Variants in OSBPL10 observed in about 807,000 individuals in gnomAD.
OSBPL10 encodes the protein oxysterol binding protein like 10.
Under a neutral mutation model 81.7 loss-of-function variants are expected in OSBPL10, and 49 were observed. The observed-to-expected ratio is 0.60, with a 90% CI of 0.48 to 0.76. OSBPL10 has a LOEUF of 0.76. OSBPL10 is among the 30% of genes least tolerant of loss of function. The probability of loss-of-function intolerance (pLI) is 0.00; values close to 1 mark genes in which losing one functional copy is unlikely to be tolerated. For synonymous variants in OSBPL10, 419 were observed against 383.6 expected, an observed-to-expected ratio of 1.09 and a Z score of -1.08; for missense variants, 923 against 987.8, an observed-to-expected ratio of 0.93 and a Z score of 0.88.
intron 11 of OSBPL10, chr3:31,662,871 AG>A: frequency 2.0e-6 from 2 of 985,482 alleles, no homozygotes; most frequent in Non-Finnish European, 2.4e-6. Context: ...ACCTCACAGA[AG>A]GATCTTTCAA....
At chr3:31,960,554 G>A (rs752006199) in intron 1 of OSBPL10, among the ~76,000 whole-genome samples, 1 of 152,116 alleles carries the variant, frequency 6.6e-6, no homozygotes, top group Non-Finnish European at 1.5e-5. Flanking sequence ...AGGCTAAAAT[G>A]GACACCAGAA....
intron 8 of OSBPL10, among the ~76,000 whole-genome samples, chr3:31,674,595 ATAGATAGATAGATAGATAG>A (rs1700410623): frequency 3.7e-5 from 2 of 54,006 alleles, no homozygotes; most frequent in African/African-American, 4.2e-4. Context: ...AGATAGATAG[ATAGATAGATAGATAGATAG>A]ATAGATAGAT....
intron 3 of OSBPL10, among the ~76,000 whole-genome samples, chr3:31,849,405 G>A (rs980554232): frequency 6.6e-6 from 1 of 152,068 alleles, no homozygotes; most frequent in African/African-American, 2.4e-5. Context: ...CCTTTTTAGC[G>A]AGAAAACTGA....
Position 32,061,973 on chromosome 3 carries a change from A to C in OSBPL10, n.186-15370T>G, listed in dbSNP as rs1359035134. ...TTTTTCACTTTTTAATTTTTTTTCA[A>C]ATATTTTCCAACCATGGTTGGTTGA... On this transcript the variant is annotated intron_variant and non_coding_transcript_variant, in intron 1 of 3. Coordinates refer to the OSBPL10 transcript ENST00000479173. Among the ~76,000 whole-genome samples the C allele has an allele frequency of 2.1e-5, 2 of 93,044 alleles. 1 individual carries two copies. The highest frequency in any genetic ancestry group is 5.8e-5 in the Non-Finnish European group (2 of 34,708). The allele number at this position is 93,044 out of a possible 152,430, so 61.0% of individuals were successfully genotyped here.
intron 6 of OSBPL10, chr3:31,721,586 A>G (rs1236914039): frequency 6.6e-6 from 1 of 152,204 alleles, no homozygotes; most frequent in Non-Finnish European, 1.5e-5. Flanking sequence ...CCATATTTGA[A>G]TAAGTTATTA....
intron 1 of OSBPL10, among the ~76,000 whole-genome samples, chr3:32,048,664 C>T (rs1437902297): frequency 6.6e-6 from 1 of 151,998 alleles, no homozygotes; most frequent in African/African-American, 2.4e-5. Flanking sequence ...CCCTTTAAAT[C>T]CCCCCATCCA....
chr3:31,756,182 C>G (rs998291016), intron 4 of OSBPL10, among the ~76,000 whole-genome samples: 2 of 152,206 alleles, frequency 1.3e-5, no homozygotes, highest in African/African-American at 4.8e-5. Context: ...GCATAATTCA[C>G]CATTAGTCCT....
chr3:31,942,097 A>AC (rs1454575983), intron 1 of OSBPL10, among the ~76,000 whole-genome samples: 1 of 151,750 alleles, frequency 6.6e-6, no homozygotes, highest in African/African-American at 2.4e-5. Context: ...ACACGGTGAA[A>AC]CCCCGTCTCT....
intron 2 of OSBPL10, among the ~76,000 whole-genome samples, chr3:32,042,533 G>C (rs914987577): frequency 6.6e-6 from 1 of 152,034 alleles, no homozygotes; most frequent in African/African-American, 2.4e-5. Flanking sequence ...AGATTTAGTT[G>C]TATGCTCTAT....
intron 2 of OSBPL10, among the ~76,000 whole-genome samples, chr3:32,008,760 G>GAAAAAAAAAAA (rs11328847): frequency 8.7e-6 from 1 of 114,526 alleles, no homozygotes. Flanking sequence ...ATCCTGACTG[G>GAAAAAAAAAAA]AAAAAAAAAA....
chr3:31,803,413 C>A (rs1210756671), intron 4 of OSBPL10, among the ~76,000 whole-genome samples: 1 of 152,196 alleles, frequency 6.6e-6, no homozygotes, highest in Non-Finnish European at 1.5e-5. Flanking sequence ...CCTGGCAGAA[C>A]CAGGGACGTT....
intron 6 of OSBPL10, 83 bp from the exon 7 acceptor site, chr3:31,702,591 T>A: frequency 6.4e-7 from 1 of 1,570,232 alleles, no homozygotes; most frequent in Admixed American, 1.7e-5. Flanking sequence ...TGCTTTGCAA[T>A]GACAGAAGAA....
intron 4 of OSBPL10, among the ~76,000 whole-genome samples, chr3:31,792,768 T>C (rs1481434509): frequency 1.5e-5 from 2 of 131,524 alleles, no homozygotes; most frequent in African/African-American, 3.5e-5. Context: ...TGTGTGTGTG[T>C]GTGTGTGTAA....
Position 31,840,129 on chromosome 3 carries a change from T to C in OSBPL10, c.538-9898A>G, listed in dbSNP as rs539590146. Among the ~76,000 whole-genome samples, 12 of 152,060 alleles carry C rather than the reference T, an allele frequency of 7.9e-5. No individual in the cohort carries two copies. The South Asian group carries it at 1.5e-3, about 18-fold the overall frequency. On this transcript the variant is annotated intron_variant, in intron 3 of 11. Transcript: ENST00000396556. ...GATACTTTATGCCAGTAATGAATCA[T>C]AGAACAAAAGGCGAGTGCGTGCTGA...
intron 2 of OSBPL10, among the ~76,000 whole-genome samples, chr3:32,002,390 G>A (rs1699159312): frequency 6.6e-6 from 1 of 152,178 alleles, no homozygotes; most frequent in Admixed American, 6.5e-5. Context: ...ACAGTATGGG[G>A]CAAGGGGAGG....
intron 3 of OSBPL10, among the ~76,000 whole-genome samples, chr3:31,839,981 ATGGATCATTTCAAC>A (rs1700453994): frequency 6.7e-6 from 1 of 150,060 alleles, no homozygotes. Flanking sequence ...TCTACATGGA[ATGGATCATTTCAAC>A]TGGATAATTT....
At chr3:31,795,677 C>T in intron 4 of OSBPL10, 1 of 209,016 alleles carries the variant, frequency 4.8e-6, no homozygotes, top group South Asian at 1.1e-4. Context: ...GGAGAAAGGC[C>T]TTATGAGCGC....
intron 5 of OSBPL10, among the ~76,000 whole-genome samples, chr3:31,744,695 C>T (rs1343990816): frequency 6.6e-6 from 1 of 151,856 alleles, no homozygotes; most frequent in East Asian, 1.9e-4. Flanking sequence ...CCAATAATTT[C>T]CATTTCAACC....
intron 1 of OSBPL10, among the ~76,000 whole-genome samples, chr3:32,071,460 C>A (rs908315780): frequency 3.3e-5 from 5 of 152,204 alleles, no homozygotes; most frequent in African/African-American, 1.2e-4. Flanking sequence ...TGACTCATCC[C>A]AACCCTTTTC....
Sources: allele counts gnomAD v4.1 joint callset (sites outside exome capture counted in the v4.1 genomes callset), GRCh38; gene constraint gnomAD v4.1.1; transcripts MANE v1.5; gene names NCBI Gene and HGNC (gene_info 2026-07-23, HGNC 2026-07-21).